The following FHIT variants were observed in gnomAD, a reference collection of about 807,000 sequenced individuals.
FHIT encodes bis(5'-adenosyl)-triphosphatase.
Under a neutral mutation model 17.9 loss-of-function variants are expected in FHIT, and 19 were observed. The observed-to-expected ratio is 1.06, with a 90% CI of 0.74 to 1.56. The LOEUF is 1.56. Ranked by LOEUF, FHIT falls within the 40% of genes most tolerant of loss-of-function variation. The pLI is 0.00. For synonymous variants in FHIT, 81 were observed against 69.7 expected (o/e 1.16, Z -0.81); for missense variants, 248 against 189.2 (o/e 1.31, Z -1.82).
At chr3:60,184,714 T>C (rs1018702866) in intron 5 of FHIT, among the ~76,000 whole-genome samples, 5 of 152,204 alleles carry the variant, frequency 3.3e-5, no homozygotes, top group African/African-American at 1.2e-4. Context: ...ATTTAAGATG[T>C]GAGAGCTAGG....
chr3:60,537,115 A>G lies in FHIT; in HGVS notation c.-17-136T>C, dbSNP rs543477357. The G allele has an allele frequency of 3.2e-5, 22 of 696,410 alleles. No homozygotes were observed. The East Asian group carries it at 5.4e-4, about 17-fold the overall frequency. The allele number at this position is 696,410 out of a possible 1,614,324, so 43.1% of individuals were successfully genotyped here. ...TGCCATTGAAATTGTTCCTCATTGA[A>G]TGTTCACCAAGATGCATTCTGGGAA... On this transcript the variant is annotated intron_variant, in intron 4 of 9. Transcript: ENST00000492590.
At chr3:61,207,972 A>C (rs1691813612) in intron 1 of FHIT, among the ~76,000 whole-genome samples, 1 of 151,856 alleles carries the variant, frequency 6.6e-6, no homozygotes, top group East Asian at 1.9e-4. Context: ...ATTTCCCTCT[A>C]TACACTGCTT....
At chr3:61,073,690 C>T (rs571896887) in intron 2 of FHIT, among the ~76,000 whole-genome samples, 1 of 152,212 alleles carries the variant, frequency 6.6e-6, no homozygotes, top group African/African-American at 2.4e-5. Flanking sequence ...GCTAGCCATC[C>T]CAGAATGTTG....
chr3:60,884,922 A>AAAAAAAAAAAAAG (rs1559800315), intron 3 of FHIT, among the ~76,000 whole-genome samples: 10 of 151,582 alleles, frequency 6.6e-5, no homozygotes, highest in African/African-American at 1.7e-4. Flanking sequence ...AAAAAAAAAA[A>AAAAAAAAAAAAAG]AAGAAGAAGA....
intron 5 of FHIT, 88 bp downstream of exon 5, chr3:60,536,772 G>A (rs1264531767): frequency 1.4e-6 from 2 of 1,387,846 alleles, no homozygotes; most frequent in Non-Finnish European, 1.9e-6. Flanking sequence ...TGGACAGACT[G>A]GAGGCCAATC....
intron 1 of FHIT, among the ~76,000 whole-genome samples, chr3:61,245,701 CAAAT>C: frequency 6.6e-6 from 1 of 152,264 alleles, no homozygotes; most frequent in Admixed American, 6.5e-5. Flanking sequence ...ATTTACTTGA[CAAAT>C]AAAAATTGTA....
At chr3:60,351,797 C>G (rs967027015) in intron 5 of FHIT, among the ~76,000 whole-genome samples, 7 of 152,200 alleles carry the variant, frequency 4.6e-5, no homozygotes, top group Non-Finnish European at 8.8e-5. Context: ...CTGCTCATAT[C>G]TTATTTCCTA....
At chr3:60,669,916 T>C (rs1188292786) in intron 4 of FHIT, among the ~76,000 whole-genome samples, 1 of 152,206 alleles carries the variant, frequency 6.6e-6, no homozygotes, top group African/African-American at 2.4e-5. Flanking sequence ...CATTTAACCA[T>C]TGTAATCATG....
rs143010492 is a variant in FHIT, at chr3:60,692,903, G to A, written c.-18+129016C>T. 5.9e-5 allele frequency among the ~76,000 whole-genome samples: 9 copies of A among 152,268 alleles called. No individual in the cohort carries two copies. The East Asian group carries it at 1.4e-3, about 23-fold the overall frequency. On this transcript the variant is annotated intron_variant, in intron 4 of 9. Coordinates refer to ENST00000492590, the MANE Select transcript of FHIT (RefSeq NM_002012.4). ...ATTCTTGTTCACTTTTCTGATTAGC[G>A]TTTGCATGTTTCTGAAGCAGGGGAA...
chr3:60,656,268 G>C (rs1276335947), intron 4 of FHIT, among the ~76,000 whole-genome samples: 1 of 152,132 alleles, frequency 6.6e-6, no homozygotes, highest in African/African-American at 2.4e-5. Context: ...CCCAGAACTA[G>C]ATTTATGGGA....
chr3:60,149,642 A>G (rs1004590846), intron 5 of FHIT, among the ~76,000 whole-genome samples: 1 of 152,004 alleles, frequency 6.6e-6, no homozygotes, highest in African/African-American at 2.4e-5. Flanking sequence ...CTCCTCCTCC[A>G]GCAACAACCC....
intron 7 of FHIT, among the ~76,000 whole-genome samples, chr3:59,956,681 A>G (rs186644729): frequency 6.6e-6 from 1 of 152,170 alleles, no homozygotes; most frequent in Non-Finnish European, 1.5e-5. Context: ...TAAAAAAAAG[A>G]CAATCTCCTT....
intron 5 of FHIT, among the ~76,000 whole-genome samples, chr3:60,381,052 G>T (rs1025486235): frequency 1.3e-5 from 2 of 152,130 alleles, no homozygotes; most frequent in Non-Finnish European, 2.9e-5. Flanking sequence ...TAACCAAAAA[G>T]TTCATGAATA....
At chr3:59,912,673 G>A (rs1704936430) in intron 8 of FHIT, among the ~76,000 whole-genome samples, 1 of 152,162 alleles carries the variant, frequency 6.6e-6, no homozygotes, top group South Asian at 2.1e-4. Flanking sequence ...CTTACTAGAA[G>A]AAACAATTTT....
At chr3:60,357,953 C>T (rs896760514) in intron 5 of FHIT, among the ~76,000 whole-genome samples, 1 of 152,160 alleles carries the variant, frequency 6.6e-6, no homozygotes, top group African/African-American at 2.4e-5. Context: ...GTATTATGTA[C>T]AGCAGCATCA....
At chr3:60,573,367 T>C (rs2037451944) in intron 4 of FHIT, among the ~76,000 whole-genome samples, 1 of 152,300 alleles carries the variant, frequency 6.6e-6, no homozygotes, top group South Asian at 2.1e-4. Flanking sequence ...TGCTAAAAAG[T>C]AGATGCTTTC....
At chr3:60,446,715 T>C (rs2031357396) in intron 5 of FHIT, among the ~76,000 whole-genome samples, 2 of 151,940 alleles carry the variant, frequency 1.3e-5, no homozygotes, top group Non-Finnish European at 2.9e-5. Context: ...TAGCCAGGTA[T>C]GCTCATGCAC....
chr3:60,829,835 G>A (rs1278069837), intron 3 of FHIT, among the ~76,000 whole-genome samples: 1 of 152,158 alleles, frequency 6.6e-6, no homozygotes, highest in Admixed American at 6.5e-5. Flanking sequence ...TGATTATTTT[G>A]AGAGACTGCA....
intron 5 of FHIT, among the ~76,000 whole-genome samples, chr3:60,186,473 G>A (rs761290656): frequency 1.1e-4 from 17 of 152,108 alleles, no homozygotes; most frequent in Non-Finnish European, 2.1e-4. Flanking sequence ...CAGCATTTTC[G>A]AAAATCCAAG....
Sources: gnomAD v4.1 joint callset for allele counts (sites outside exome capture counted in the v4.1 genomes callset) on GRCh38, gnomAD v4.1.1 for gene constraint, MANE v1.5 for transcripts, NCBI Gene and HGNC (gene_info 2026-07-23, HGNC 2026-07-21) for gene names.